Variants in RANBP2 observed in about 807,000 individuals in gnomAD.
The protein encoded by RANBP2 is E3 SUMO-protein ligase RanBP2.
Under a neutral mutation model 303.6 loss-of-function variants are expected in RANBP2, and 57 were observed. The ratio of observed to expected loss-of-function variants is 0.19; its 90% confidence interval spans 0.15 to 0.23. The LOEUF (loss-of-function observed/expected upper bound fraction) is 0.23. RANBP2 is among the 10% of genes least tolerant of loss of function. RANBP2 has a pLI of 1.00. For missense variants in RANBP2, 3,138 were observed against 3,780.8 expected (o/e 0.83, Z 4.46); for synonymous variants, 1,167 against 1,301.5 (o/e 0.90, Z 2.23).
chr2:108,783,537 C>T, intron 28 of RANBP2, 59 bp from the exon 29 acceptor site: 1 of 1,293,892 alleles, frequency 7.7e-7, no homozygotes, highest in Non-Finnish European at 1.1e-6. Flanking sequence ...ATATTTTACT[C>T]AGGATTCCTA....
At chr2:109,293,470 C>CCT in the RANBP2 span, among the ~76,000 whole-genome samples, 5 of 152,182 alleles carry the variant, frequency 3.3e-5, no homozygotes, top group Non-Finnish European at 5.9e-5. Context: ...CCTGCCCTAC[C>CCT]CTGCCCCCTT....
the RANBP2 span, among the ~76,000 whole-genome samples, chr2:109,567,109 TGAAAG>T: frequency 6.6e-6 from 1 of 152,180 alleles, no homozygotes; most frequent in African/African-American, 2.4e-5. Context: ...GAACAATTAT[TGAAAG>T]TCACTGTTAG....
chr2:109,073,959 A>G, the RANBP2 span, among the ~76,000 whole-genome samples: 75,406 of 150,088 alleles, frequency 0.5, 20,999 homozygotes, highest in East Asian at 0.73. Flanking sequence ...TACAAAGCCT[A>G]TCAATGCAAA....
At chr2:109,332,789 TG>T in the RANBP2 span, among the ~76,000 whole-genome samples, 2 of 152,124 alleles carry the variant, frequency 1.3e-5, no homozygotes, top group Non-Finnish European at 2.9e-5. Context: ...GTGTGGGTGG[TG>T]AGAAATAGGA....
chr2:109,523,648 C>T, the RANBP2 span, among the ~76,000 whole-genome samples: 3 of 152,150 alleles, frequency 2.0e-5, no homozygotes, highest in South Asian at 2.1e-4. Context: ...ACACATGAGC[C>T]GCTGAGAAGC....
the RANBP2 span, among the ~76,000 whole-genome samples, chr2:108,969,857 G>T: frequency 0.96 from 146,613 of 152,282 alleles, 70,736 homozygotes; most frequent in Non-Finnish European, 1. Context: ...CTTGTGCAGG[G>T]ATCCAAAAAG....
the RANBP2 span, among the ~76,000 whole-genome samples, chr2:108,901,728 A>G: frequency 6.6e-6 from 1 of 152,218 alleles, no homozygotes; most frequent in Non-Finnish European, 1.5e-5. Context: ...TCCTCAAAAA[A>G]CATAAACTAT....
At chr2:109,231,961 T>TA in the RANBP2 span, among the ~76,000 whole-genome samples, 2 of 152,266 alleles carry the variant, frequency 1.3e-5, no homozygotes, top group East Asian at 3.8e-4. Context: ...ATCACCACAA[T>TA]ACATTGTAGA....
the RANBP2 span, among the ~76,000 whole-genome samples, chr2:109,521,306 G>A: frequency 6.6e-6 from 1 of 152,216 alleles, no homozygotes; most frequent in Non-Finnish European, 1.5e-5. Flanking sequence ...AAGAGGGGCA[G>A]GGACAGAAGG....
the RANBP2 span, among the ~76,000 whole-genome samples, chr2:108,861,438 T>C: frequency 6.6e-6 from 1 of 151,872 alleles, no homozygotes; most frequent in East Asian, 1.9e-4. Context: ...TTTTTCTTTT[T>C]TTATGTAGAC....
the RANBP2 span, among the ~76,000 whole-genome samples, chr2:109,575,202 C>G: frequency 1.3e-5 from 2 of 152,192 alleles, no homozygotes; most frequent in Non-Finnish European, 2.9e-5. Context: ...GCTTCCCACA[C>G]TTGCCAGACT....
rs111958052 is a variant in RANBP2 at position 108,772,543 on chromosome 2, G to T, written c.8075G>T (p.Gly2692Val). The T allele has an allele frequency of 1.9e-6, 3 of 1,613,830 alleles. No individual in the cohort carries two copies. In the South Asian group the frequency reaches 3.3e-5, roughly 18 times the overall value. The change falls in exon 22 of 29, where the codon GGC becomes GTC. Residue 2692 changes from glycine (G) to valine (V), a missense_variant. Gly to Val is a moderately radical substitution (Grantham distance 109). Coordinates refer to ENST00000283195, the MANE Select transcript of RANBP2 (RefSeq NM_006267.5). ...KKLNGKLYLD[G>V]SEKCRPLEEN... ...CTTAATGGAAAACTATATTTGGATG[G>T]CTCAGAAAAATGTAGACCCTTGGAA...
the RANBP2 span, among the ~76,000 whole-genome samples, chr2:109,218,981 C>T: frequency 1.3e-5 from 2 of 152,194 alleles, no homozygotes; most frequent in East Asian, 3.8e-4. Flanking sequence ...TGTTTCTGTT[C>T]TGGGATTATG....
the RANBP2 span, among the ~76,000 whole-genome samples, chr2:109,152,997 G>A: frequency 1.3e-5 from 2 of 152,218 alleles, no homozygotes; most frequent in African/African-American, 4.8e-5. Flanking sequence ...AGCTGAGTTT[G>A]AGCCTGTCTT....
At chr2:109,035,828 T>A in the RANBP2 span, among the ~76,000 whole-genome samples, 680 of 152,160 alleles carry the variant, frequency 4.5e-3, 6 homozygotes, top group African/African-American at 0.015. Flanking sequence ...ACAAAAAAAA[T>A]AATTAAACTT....
the RANBP2 span, chr2:108,908,128 A>C: frequency 7.8e-7 from 1 of 1,285,270 alleles, no homozygotes. Context: ...AGTGGGGGGC[A>C]ATGACTTGTT....
At chr2:109,586,838 A>C in the RANBP2 span, among the ~76,000 whole-genome samples, 1 of 152,350 alleles carries the variant, frequency 6.6e-6, no homozygotes, top group South Asian at 2.1e-4. Context: ...CAGCTGAAGC[A>C]GACCTGCCTT....
intron 17 of RANBP2, among the ~76,000 whole-genome samples, chr2:108,755,846 C>G (rs1676271738): frequency 6.6e-6 from 1 of 151,966 alleles, no homozygotes; most frequent in African/African-American, 2.4e-5. Flanking sequence ...GCCTCAGCCT[C>G]CTGAGTAGCT....
At chr2:108,798,480 G>T in the RANBP2 span, 21 of 1,613,704 alleles carry the variant, frequency 1.3e-5, no homozygotes, top group East Asian at 2.2e-5. Context: ...AAGCGAGAAC[G>T]TTTTTTACTT....
Sources: allele counts gnomAD v4.1 joint callset (sites outside exome capture counted in the v4.1 genomes callset), GRCh38; gene constraint gnomAD v4.1.1; transcripts MANE v1.5; gene names NCBI Gene and HGNC (gene_info 2026-07-23, HGNC 2026-07-21).